Variants in ZSWIM4 observed in about 807,000 individuals in gnomAD.
ZSWIM4 encodes zinc finger SWIM domain-containing protein 4.
A neutral mutation model predicts 102.5 loss-of-function variants in ZSWIM4; 62 were observed. The observed-to-expected ratio is 0.60, with a 90% confidence interval of 0.49 to 0.75. The LOEUF is 0.75. Among genes scored for constraint, ZSWIM4 ranks in the 30% least tolerant of loss-of-function variants. The pLI is 0.00. For missense variants in ZSWIM4, 1,280 were observed against 1,529.6 expected, an observed-to-expected ratio of 0.84 and a Z score of 2.72; for synonymous variants, 652 against 674.5, an observed-to-expected ratio of 0.97 and a Z score of 0.52.
intron 12 of ZSWIM4, among the ~76,000 whole-genome samples, chr19:13,828,086 A>G (rs1169610336): frequency 6.6e-6 from 1 of 152,194 alleles, no homozygotes; most frequent in Non-Finnish European, 1.5e-5. Flanking sequence ...CCTTGCAGAA[A>G]GCTTCACCTA....
Position 13,799,791 on chromosome 19 carries a change from T to C in ZSWIM4, c.225T>C (p.Ser75=). The C allele has an allele frequency of 1.2e-6, 2 of 1,614,050 alleles. No homozygotes were observed. Among genetic ancestry groups the C allele is most frequent in the South Asian group, 1.1e-5 (1 of 91,090 alleles). The change falls in exon 2 of 14, where the codon AGT becomes AGC. Residue 75 remains serine (S), a synonymous_variant. Coordinates refer to ENST00000590508, the MANE Select transcript of ZSWIM4 (RefSeq NM_001367834.3). The part of the protein sequence containing the change: ...KRIVFWSFPR[S]EREICMYSSL... ...TCGTGTTTTGGTCGTTTCCACGCAG[T>C]GAACGGGAAATATGTATGTACTCGT... is the stretch of plus-strand genomic sequence containing the variant.
chr19:13,829,924 T>A (rs1012443488), intron 13 of ZSWIM4, among the ~76,000 whole-genome samples: 1 of 151,844 alleles, frequency 6.6e-6, no homozygotes, highest in Non-Finnish European at 1.5e-5. Context: ...CTGGCCAGCA[T>A]GGAGCTGGAC....
intron 5 of ZSWIM4, among the ~76,000 whole-genome samples, chr19:13,810,875 G>A (rs1044923091): frequency 6.8e-6 from 1 of 147,852 alleles, no homozygotes; most frequent in Admixed American, 6.8e-5. Context: ...TTCCCAAAGG[G>A]TTGGGATTAC....
rs543960712 is a variant in ZSWIM4 at position 13,805,025 on chromosome 19, C to G, written c.589C>G (p.Arg197Gly). ...PISETLSQMN[R>G]DQLQKFVQYL... ...CTCCGAGACGCTCTCCCAGATGAAC[C>G]GGGACCAGCTGCAGAAGTTCGTGCA... Residue 197 changes from arginine to glycine, a missense_variant, in exon 3 of 14, where the codon CGG becomes GGG. Coordinates refer to ENST00000590508, the MANE Select transcript of ZSWIM4 (RefSeq NM_001367834.3). 9.9e-6 allele frequency: 16 copies of G among 1,611,882 alleles called. No individual in the cohort carries two copies. Among genetic ancestry groups the G allele is most frequent in the African/African-American group, 2.7e-5 (2 of 74,904 alleles).
At chr19:13,804,112 C>T (rs1328056853) in intron 2 of ZSWIM4, among the ~76,000 whole-genome samples, 1 of 151,684 alleles carries the variant, frequency 6.6e-6, no homozygotes. Context: ...GATCTACCAG[C>T]CTCGGCCTCC....
At chr19:13,801,973 A>ATTTT (rs543183681) in intron 2 of ZSWIM4, among the ~76,000 whole-genome samples, 1 of 94,200 alleles carries the variant, frequency 1.1e-5, no homozygotes, top group Non-Finnish European at 2.0e-5. Flanking sequence ...CCAGCTTAGA[A>ATTTT]TTTTTTTTTT....
At chr19:13,824,621 A>G (rs1018148228) in intron 11 of ZSWIM4, among the ~76,000 whole-genome samples, 1 of 151,844 alleles carries the variant, frequency 6.6e-6, no homozygotes, top group African/African-American at 2.4e-5. Context: ...AATCCCAGCT[A>G]CTTGGGAGGC....
At chr19:13,822,617 C>T (rs1288248766) in intron 10 of ZSWIM4, among the ~76,000 whole-genome samples, 1 of 151,952 alleles carries the variant, frequency 6.6e-6, no homozygotes, top group Non-Finnish European at 1.5e-5. Flanking sequence ...CCAAGACGGG[C>T]GGATCACTTG....
chr19:13,813,488 CA>C (rs1372804150), intron 6 of ZSWIM4, among the ~76,000 whole-genome samples: 1 of 151,328 alleles, frequency 6.6e-6, no homozygotes, highest in Non-Finnish European at 1.5e-5. Context: ...AGGAATCAAA[CA>C]GAAGGGGAAA....
intron 10 of ZSWIM4, among the ~76,000 whole-genome samples, chr19:13,822,104 C>A (rs981143664): frequency 6.6e-6 from 1 of 151,598 alleles, no homozygotes; most frequent in African/African-American, 2.4e-5. Flanking sequence ...AAATTCCTGG[C>A]CTCAAGCGAC....
At chr19:13,801,343 A>G (rs1242284931) in intron 2 of ZSWIM4, among the ~76,000 whole-genome samples, 1 of 152,172 alleles carries the variant, frequency 6.6e-6, no homozygotes, top group African/African-American at 2.4e-5. Context: ...TGGGGAATGA[A>G]GTAGTGAGAC....
intron 2 of ZSWIM4, 144 bp from the exon 3 acceptor site, chr19:13,804,646 CAA>C (rs55747876): frequency 4.2e-3 from 2,346 of 563,008 alleles, no homozygotes; most frequent in South Asian, 7.5e-3. Context: ...GATTTTGTTT[CAA>C]AAAAAAAAAA....
intron 2 of ZSWIM4, among the ~76,000 whole-genome samples, chr19:13,800,763 G>T (rs1974749686): frequency 6.6e-6 from 1 of 152,164 alleles, no homozygotes; most frequent in African/African-American, 2.4e-5. Flanking sequence ...AGGCAGCAGG[G>T]TTTAGACAAG....
In ZSWIM4 at chr19:13,813,168, GGA is replaced by G. The variant is rs758970937; in HGVS notation, c.1180+10_1180+11del. 6.2e-7 allele frequency: 1 copy of G among 1,607,112 alleles called. No homozygotes were observed. The highest frequency in any genetic ancestry group is 1.1e-5 in the South Asian group (1 of 90,574). On this transcript the variant is annotated splice_donor_5th_base_variant and intron_variant, in intron 6 of 13. Transcript: ENST00000590508. The stretch of plus-strand genomic sequence containing the variant: ...CCCACCATGGCCCCCGCCCCAGGTA[GGA>G]GAGAGGGGTCTTTACCATGCCCCCC...
At chr19:13,807,755 ATGG>A (rs1974958958) in intron 3 of ZSWIM4, among the ~76,000 whole-genome samples, 1 of 35,768 alleles carries the variant, frequency 2.8e-5, no homozygotes, top group East Asian at 4.8e-4. Context: ...GGATGGATGC[ATGG>A]ATGGATGGAT....
At chr19:13,804,734 C>A (rs1004106882) in intron 2 of ZSWIM4, 58 bp from the exon 3 acceptor site, 2 of 1,455,568 alleles carry the variant, frequency 1.4e-6, no homozygotes, top group Admixed American at 3.9e-5. Context: ...TGCTGTGTAC[C>A]ACAAACACCG....
intron 10 of ZSWIM4, among the ~76,000 whole-genome samples, chr19:13,822,979 CAAAA>C (rs113776275): frequency 4.4e-5 from 5 of 112,942 alleles, no homozygotes; most frequent in African/African-American, 1.3e-4. Flanking sequence ...AACTCCGTCT[CAAAA>C]AAAAAAAAAA....
At chr19:13,803,324 C>A (rs1974824440) in intron 2 of ZSWIM4, among the ~76,000 whole-genome samples, 1 of 152,308 alleles carries the variant, frequency 6.6e-6, no homozygotes, top group African/African-American at 2.4e-5. Flanking sequence ...GGACACCTGG[C>A]CCCTGGCTTA....
rs1465564806 is a variant in ZSWIM4, at chr19:13,804,978, A to G, written c.542A>G (p.Gln181Arg). 6.2e-7 allele frequency: 1 copy of G among 1,612,956 alleles called. No individual in the cohort carries two copies. Among genetic ancestry groups the G allele is most frequent in the Middle Eastern group, 1.6e-4 (1 of 6,062 alleles). Residue 181 changes from glutamine (Q) to arginine (R), a missense_variant, in exon 3 of 14, where the codon CAG becomes CGG. Gln to Arg is a conservative substitution (Grantham distance 43, BLOSUM62 1). Transcript: ENST00000590508. ...CTGTACCGCATTCGGCACGCCCACC[A>G]GGTGGAGCTGCGGCTGCCCATCTCC... is the stretch of plus-strand genomic sequence containing the variant. ...LSLYRIRHAH[Q>R]VELRLPISET...
Sources: gnomAD v4.1 joint callset for allele counts (sites outside exome capture counted in the v4.1 genomes callset) on GRCh38, gnomAD v4.1.1 for gene constraint, MANE v1.5 for transcripts, NCBI Gene and HGNC (gene_info 2026-07-23, HGNC 2026-07-21) for gene names.